Variants in PCLO observed in about 807,000 individuals in gnomAD.
PCLO encodes the protein protein piccolo.
In PCLO, 82 loss-of-function variants were observed where a neutral mutation model predicts 427.5. The observed-to-expected ratio is 0.19, with a 90% confidence interval of 0.16 to 0.23. PCLO has a LOEUF of 0.23. Ranked by LOEUF, PCLO falls within the 10% of genes least tolerant of loss-of-function variation. The pLI, the probability that PCLO is intolerant of heterozygous loss-of-function variation, is 1.00. For synonymous variants in PCLO, 2,357 were observed against 2,155.4 expected (o/e 1.09, Z -2.59); for missense variants, 6,239 against 6,115.9 (o/e 1.02, Z -0.67).
chr7:82,916,830 T>G lies in PCLO; in HGVS notation c.11156A>C (p.Lys3719Thr). The G allele has an allele frequency of 6.2e-7, 1 of 1,613,458 alleles. No homozygotes were observed. Among genetic ancestry groups the G allele is most frequent in the Non-Finnish European group, 8.5e-7 (1 of 1,179,528 alleles). Residue 3719 changes from lysine (K) to threonine (T), a missense_variant, in exon 7 of 25, where the codon AAA (lysine) becomes ACA (threonine). By Grantham distance (78) the Lys-to-Thr change is moderately conservative (BLOSUM62 -1). Transcript: ENST00000333891. ...QTMTSSGAQK[K>T]VKRTLPNPPP... ...TGGATTTGGCAGAGTTCTTTTAACT[T>G]TTTTCTGGGCTCCAGAGGATGTCAT...
At chr7:82,865,146 A>T (rs1231077956) in intron 10 of PCLO, among the ~76,000 whole-genome samples, 2 of 152,064 alleles carry the variant, frequency 1.3e-5, no homozygotes, top group Admixed American at 6.6e-5. Flanking sequence ...ACTGAGATGC[A>T]AATTACAAAT....
chr7:83,142,483 C>T (rs1280876384), intron 2 of PCLO, among the ~76,000 whole-genome samples: 1 of 152,206 alleles, frequency 6.6e-6, no homozygotes, highest in Non-Finnish European at 1.5e-5. Context: ...CCATCTTTTA[C>T]AATCCACATT....
chr7:82,964,721 C>T (rs879833578), intron 4 of PCLO, among the ~76,000 whole-genome samples: 3 of 151,976 alleles, frequency 2.0e-5, no homozygotes, highest in South Asian at 2.1e-4. Context: ...GTGGTGGTGG[C>T]GGTGGCTAGA....
chr7:82,952,949 C>T lies in PCLO; in HGVS notation c.8004G>A (p.Gln2668=), dbSNP rs758210366. The T allele has an allele frequency of 3.1e-6, 5 of 1,613,756 alleles. No individual in the cohort carries two copies. Among genetic ancestry groups the T allele is most frequent in the Admixed American group, 1.7e-5 (1 of 59,988 alleles). Residue 2668 remains glutamine, a synonymous_variant, in exon 5 of 25, where the codon CAG becomes CAA. Transcript: ENST00000333891. ...SFQAAPTSVT[Q]FLTTEVSKTE... is the part of the protein sequence containing the mutation. ...TCTTGGAAACTTCAGTAGTGAGAAA[C>T]TGTGTAACTGATGTGGGAGCTGCTT...
rs1198676395 is a variant in PCLO, at chr7:82,951,388, C to G, written c.9200G>C (p.Arg3067Thr). The G allele has an allele frequency of 6.2e-7, 1 of 1,602,768 alleles. No individual in the cohort carries two copies. The highest frequency in any genetic ancestry group is 8.5e-7 in the Non-Finnish European group (1 of 1,174,178). Residue 3067 changes from arginine (R) to threonine (T), a missense_variant, in exon 6 of 25, where the codon AGA becomes ACA. Physicochemically the swap from Arg to Thr is moderately conservative, Grantham distance 71. Transcript: ENST00000333891. Reference protein sequence around the residue: ...GISTPQYSTARMTPPPGPQYC... With the variant: ...GISTPQYSTATMTPPPGPQYC... Reference sequence around the variant, plus strand: ...CTGGGGTCCTGGTGGTGGTGTCATTCTTGCTGTGGAATACTGTGGGGTACT... The same window carrying G: ...CTGGGGTCCTGGTGGTGGTGTCATTGTTGCTGTGGAATACTGTGGGGTACT...
chr7:82,821,058 T>C, intron 20 of PCLO: 1 of 1,147,234 alleles, frequency 8.7e-7, no homozygotes. Context: ...AGATGAGAGC[T>C]TTAAATTTGG....
At chr7:82,907,028 C>G (rs957579397) in intron 8 of PCLO, among the ~76,000 whole-genome samples, 2 of 151,630 alleles carry the variant, frequency 1.3e-5, no homozygotes, top group African/African-American at 4.8e-5. Context: ...CCCAGTAGAC[C>G]AAAACCATAA....
At chr7:83,051,746 C>T (rs1464341671) in intron 3 of PCLO, among the ~76,000 whole-genome samples, 4 of 152,004 alleles carry the variant, frequency 2.6e-5, no homozygotes, top group Non-Finnish European at 1.5e-5. Flanking sequence ...GAATAGCCAT[C>T]AGAATACTGA....
intron 10 of PCLO, among the ~76,000 whole-genome samples, chr7:82,876,581 A>ATCTTTGGATAT (rs1793379536): frequency 6.6e-6 from 1 of 152,048 alleles, no homozygotes; most frequent in African/African-American, 2.4e-5. Context: ...TAGCTAGTTA[A>ATCTTTGGATAT]TCTTTGGATA....
At chr7:82,851,803 C>T (rs1185110170) in intron 10 of PCLO, among the ~76,000 whole-genome samples, 1 of 152,150 alleles carries the variant, frequency 6.6e-6, no homozygotes, top group Non-Finnish European at 1.5e-5. Flanking sequence ...GGCCATCTCC[C>T]CTGGCGGACT....
chr7:82,847,023 T>G (rs2115817970), intron 11 of PCLO, 116 bp downstream of exon 11: 1 of 618,496 alleles, frequency 1.6e-6, no homozygotes, highest in Non-Finnish European at 2.8e-6. Context: ...TGATTCACTT[T>G]ATTTTATAAT....
rs1039976718 is a variant in PCLO, at chr7:82,953,962, T to C, written c.6991A>G (p.Thr2331Ala). 1.2e-6 allele frequency: 2 copies of C among 1,613,928 alleles called. No homozygotes were observed. The highest frequency in any genetic ancestry group is 4.5e-5 in the East Asian group (2 of 44,874). The change falls in exon 5 of 25, where the codon ACA (threonine) becomes GCA (alanine). Residue 2331 changes from threonine to alanine, a missense_variant. This residue lies in a region of PCLO where 4,677 missense variants were observed against 4,468.4 expected (regional missense o/e 1.05). Coordinates refer to ENST00000333891, the MANE Select transcript of PCLO (RefSeq NM_033026.6). ...ACGGTTTCGGATAAGCTACTTTTTG[T>C]TCGTTCGGCCTCCAACTCCTTTTTA... is the stretch of plus-strand genomic sequence containing the variant. ...RDKKELEAERTKSSLSETVFD... is the reference protein window; with the variant it reads ...RDKKELEAERAKSSLSETVFD...
In PCLO at chr7:82,845,370, A is replaced by G; in HGVS notation, c.13947T>C (p.His4649=). 1 of 1,613,426 alleles carries G rather than the reference A, an allele frequency of 6.2e-7. No homozygotes were observed. The highest frequency in any genetic ancestry group is 8.5e-7 in the Non-Finnish European group (1 of 1,179,622). ...VLSSVVEKGS[H]VHSGPTSAGS... ...CTGCTGATGTAGGACCTGAATGAAC[A>G]TGAGATCCTTTTTCAACAACTGATG... Residue 4649 remains histidine (H), a synonymous_variant, in exon 13 of 25, where the codon CAT becomes CAC. Coordinates refer to ENST00000333891, the MANE Select transcript of PCLO (RefSeq NM_033026.6).
intron 3 of PCLO, among the ~76,000 whole-genome samples, chr7:82,999,493 AT>A (rs199600069): frequency 2.6e-4 from 5 of 19,180 alleles, no homozygotes; most frequent in Admixed American, 8.5e-4. Context: ...AAAATATAAT[AT>A]ATATAATATT....
intron 3 of PCLO, among the ~76,000 whole-genome samples, chr7:83,013,429 A>G (rs1390110181): frequency 6.6e-6 from 1 of 152,168 alleles, no homozygotes; most frequent in Non-Finnish European, 1.5e-5. Context: ...AGTAGTGATA[A>G]TGCCGTTTTC....
Position 82,916,481 on chromosome 7 carries a change from A to G in PCLO, c.11505T>C (p.Ser3835=), listed in dbSNP as rs1015531878. Reference sequence around the variant, plus strand: ...GTCTTGTGCTACTCACTTCACTGTCAGACATGTAATCACGATCCTCAGCTA... The same window carrying G: ...GTCTTGTGCTACTCACTTCACTGTCGGACATGTAATCACGATCCTCAGCTA... ...QGVAEDRDYM[S]DSEVSSTRPT... is the part of the protein sequence containing the mutation. Residue 3835 remains serine, a synonymous_variant, in exon 7 of 25, where the codon TCT becomes TCC. Coordinates refer to ENST00000333891, the MANE Select transcript of PCLO (RefSeq NM_033026.6). 2 of 1,613,612 alleles carry G rather than the reference A, an allele frequency of 1.2e-6. No individual in the cohort carries two copies. The highest frequency in any genetic ancestry group is 2.7e-5 in the African/African-American group (2 of 74,896).
At chr7:83,023,846 T>A (rs1163439686) in intron 3 of PCLO, among the ~76,000 whole-genome samples, 1 of 152,206 alleles carries the variant, frequency 6.6e-6, no homozygotes, top group East Asian at 1.9e-4. Context: ...AGCAGAGAAG[T>A]GATGTATGGC....
chr7:83,021,582 C>T (rs1292697678), intron 3 of PCLO, among the ~76,000 whole-genome samples: 1 of 152,106 alleles, frequency 6.6e-6, no homozygotes, highest in Admixed American at 6.6e-5. Flanking sequence ...CTCTCTCCTT[C>T]CCTCTTCCTT....
intron 2 of PCLO, among the ~76,000 whole-genome samples, chr7:83,153,483 C>T (rs903098636): frequency 1.3e-5 from 2 of 152,086 alleles, no homozygotes; most frequent in African/African-American, 4.8e-5. Flanking sequence ...TTGTTATTAT[C>T]ATGATAGATT....
Sources: allele counts gnomAD v4.1 joint callset (sites outside exome capture counted in the v4.1 genomes callset), GRCh38; gene constraint gnomAD v4.1.1; regional missense constraint gnomAD v4.1.1; transcripts MANE v1.5; gene names NCBI Gene and HGNC (gene_info 2026-07-23, HGNC 2026-07-21).